Variants in CR2 observed in about 807,000 individuals in gnomAD.
The protein encoded by CR2 is complement receptor type 2.
In CR2, 96 loss-of-function variants were observed where a neutral mutation model predicts 123.0. The ratio of observed to expected loss-of-function variants is 0.78; its 90% CI spans 0.66 to 0.93. The LOEUF is 0.93. Among genes scored for constraint, CR2 ranks in the 40% least tolerant of loss-of-function variants. CR2 has a pLI of 0.00. For synonymous variants in CR2, 484 were observed against 469.5 expected (o/e 1.03, Z -0.40); for missense variants, 1,258 against 1,361.0 (o/e 0.92, Z 1.19).
chr1:207,462,484 AT>A lies in CR2; in HGVS notation c.59-4041del, dbSNP rs202188179. On this transcript the variant is annotated intron_variant, in intron 1 of 19. Coordinates refer to ENST00000367057, the MANE Select transcript of CR2 (RefSeq NM_001006658.3). ...TGGATTGGAGCTTACTTGTAAAAAA[AT>A]ATATGCATTTTTTCCCTATAAACAG... Among the ~76,000 whole-genome samples the A allele has an allele frequency of 5.7e-3, 861 of 152,350 alleles. 13 individuals are homozygous for A. Among genetic ancestry groups the A allele is most frequent in the East Asian group, 7.3e-3 (38 of 5,196 alleles).
chr1:207,488,760 G>A (rs1287973021), intron 19 of CR2, among the ~76,000 whole-genome samples: 1 of 152,168 alleles, frequency 6.6e-6, no homozygotes, highest in Non-Finnish European at 1.5e-5. Context: ...GGCAGTTGAG[G>A]AAGAAAAGGT....
chr1:207,469,562 T>G, intron 5 of CR2, 133 bp from the exon 6 acceptor site: 2 of 822,852 alleles, frequency 2.4e-6, no homozygotes, highest in Non-Finnish European at 4.1e-6. Context: ...ATTATGTTGC[T>G]TTAGCTGCCT....
At position 207,476,431 on chromosome 1, in the gene CR2, A is replaced by AT; in HGVS notation, c.2902+18dup. On this transcript the variant is annotated intron_variant, in intron 15 of 19. Transcript: ENST00000367057. The stretch of plus-strand genomic sequence containing the variant: ...CCCTCATTGTAAAGGTGCTTTGTCT[A>AT]TTTTTTATTCTTATTTTTATATCAA... 6.2e-7 allele frequency: 1 copy of AT among 1,610,306 alleles called. No individual in the cohort carries two copies. Among genetic ancestry groups the AT allele is most frequent in the Non-Finnish European group, 8.5e-7 (1 of 1,178,514 alleles).
chr1:207,454,538 C>G lies in CR2; in HGVS notation c.58+62C>G, dbSNP rs1016189585. 3.2e-5 allele frequency: 41 copies of G among 1,297,202 alleles called. No individual in the cohort carries two copies. In the Admixed American group the frequency reaches 8.9e-4, roughly 28 times the overall value. The allele number at this position is 1,297,202 out of a possible 1,614,324, so 80.4% of individuals were successfully genotyped here. On this transcript the variant is annotated intron_variant, in intron 1 of 19. Transcript: ENST00000367057. This position sits in a 1 kb window ranked among gnomAD's most constrained non-coding sequence, Gnocchi z 4.3. ...TCCCGGGCAGGGAAAGTTTCTGTGC[C>G]GCGATGCAAAGCAGGGGGCCAAAAG... is the stretch of plus-strand genomic sequence containing the variant.
At chr1:207,477,736 G>C in intron 15 of CR2, 149 bp from the exon 16 acceptor site, 1 of 694,470 alleles carries the variant, frequency 1.4e-6, no homozygotes, top group South Asian at 1.6e-5. Flanking sequence ...ATTGTGTCTA[G>C]GATATAGTCT....
chr1:207,486,076 C>A (rs1263550656), intron 19 of CR2, among the ~76,000 whole-genome samples: 1 of 151,484 alleles, frequency 6.6e-6, no homozygotes, highest in African/African-American at 2.4e-5. Context: ...ACTAAAAATA[C>A]AAAAATTAGC....
chr1:207,469,979 C>G lies in CR2; in HGVS notation c.1102C>G (p.Arg368Gly). The G allele has an allele frequency of 6.2e-7, 1 of 1,613,932 alleles. No homozygotes were observed. The highest frequency in any genetic ancestry group is 8.5e-7 in the Non-Finnish European group (1 of 1,179,936). ...CCGAATGGTATCTGGGCAGAAAGAT[C>G]GATATACCTATAACGACACTGTGAT... ...RGRMVSGQKDRYTYNDTVIFA... is the reference protein window; with the variant it reads ...RGRMVSGQKDGYTYNDTVIFA... The change falls in exon 6 of 20, where the codon CGA becomes GGA. Residue 368 changes from arginine to glycine, a missense_variant. Coordinates refer to ENST00000367057, the MANE Select transcript of CR2 (RefSeq NM_001006658.3).
At chr1:207,457,321 CAT>C (rs1657857194) in intron 1 of CR2, among the ~76,000 whole-genome samples, 2 of 152,344 alleles carry the variant, frequency 1.3e-5, no homozygotes, top group Admixed American at 1.3e-4. Context: ...TATTCATGAT[CAT>C]GTTCCATACC....
At chr1:207,487,771 G>A (rs1271060087) in intron 19 of CR2, among the ~76,000 whole-genome samples, 1 of 152,218 alleles carries the variant, frequency 6.6e-6, no homozygotes, top group African/African-American at 2.4e-5. Flanking sequence ...GGTAAGCTAG[G>A]AGGAACAGAT....
At chr1:207,461,989 T>C (rs1455729315) in intron 1 of CR2, among the ~76,000 whole-genome samples, 1 of 152,198 alleles carries the variant, frequency 6.6e-6, no homozygotes, top group Non-Finnish European at 1.5e-5. Context: ...GCCAAACCTA[T>C]TCATCCTGTG....
At chr1:207,484,493 AC>A (rs1658695750) in intron 18 of CR2, among the ~76,000 whole-genome samples, 1 of 152,260 alleles carries the variant, frequency 6.6e-6, no homozygotes, top group Non-Finnish European at 1.5e-5. Context: ...CTTGAAAGAC[AC>A]TATGCTATTC....
intron 18 of CR2, among the ~76,000 whole-genome samples, chr1:207,482,999 G>A (rs1331625829): frequency 1.3e-5 from 2 of 151,768 alleles, no homozygotes; most frequent in Non-Finnish European, 2.9e-5. Context: ...TCTTGTGGAA[G>A]CTACAGAATA....
chr1:207,467,757 G>C (rs1297764344), intron 2 of CR2, among the ~76,000 whole-genome samples: 1 of 152,156 alleles, frequency 6.6e-6, no homozygotes. Context: ...AAACAGTTAA[G>C]CCTTTGTAAC....
In CR2 at chr1:207,454,523, G is replaced by A. The variant is rs766078491; in HGVS notation, c.58+47G>A. 2.8e-6 allele frequency: 4 copies of A among 1,410,436 alleles called. No homozygotes were observed. The South Asian group carries it at 4.0e-5, about 14-fold the overall frequency. The allele number at this position is 1,410,436 out of a possible 1,614,324, so 87.4% of individuals were successfully genotyped here. ...GGAGGTGGGGACGCGTCCCGGGCAG[G>A]GAAAGTTTCTGTGCCGCGATGCAAA... On this transcript the variant is annotated intron_variant, in intron 1 of 19. Transcript: ENST00000367057. The surrounding 1 kb of genome is among the most constrained non-coding windows in gnomAD (Gnocchi z 4.3).
intron 14 of CR2, among the ~76,000 whole-genome samples, chr1:207,475,844 C>T (rs1572959956): frequency 6.6e-6 from 1 of 152,184 alleles, no homozygotes; most frequent in Non-Finnish European, 1.5e-5. Flanking sequence ...GCAGTGGCTG[C>T]CACTTTTAGA....
At chr1:207,463,362 G>A (rs1313636295) in intron 1 of CR2, among the ~76,000 whole-genome samples, 1 of 152,048 alleles carries the variant, frequency 6.6e-6, no homozygotes, top group Non-Finnish European at 1.5e-5. Context: ...TAAGCAAAAA[G>A]GAATCACCTC....
chr1:207,463,636 C>CTTTATT (rs993616587), intron 1 of CR2, among the ~76,000 whole-genome samples: 7 of 151,998 alleles, frequency 4.6e-5, no homozygotes, highest in African/African-American at 7.3e-5. Flanking sequence ...GATGATCACT[C>CTTTATT]TTTATTTTTA....
At chr1:207,488,516 CG>C (rs1393944109) in intron 19 of CR2, among the ~76,000 whole-genome samples, 1 of 152,026 alleles carries the variant, frequency 6.6e-6, no homozygotes, top group Non-Finnish European at 1.5e-5. Context: ...CCCAGCTACT[CG>C]GGAGGCTGAG....
chr1:207,488,357 G>A (rs895386553), intron 19 of CR2, among the ~76,000 whole-genome samples: 1 of 152,216 alleles, frequency 6.6e-6, no homozygotes, highest in Non-Finnish European at 1.5e-5. Flanking sequence ...CAGGAGTGGT[G>A]GCTCACGTCT....
Sources: allele counts gnomAD v4.1 joint callset (sites outside exome capture counted in the v4.1 genomes callset), GRCh38; gene constraint gnomAD v4.1.1; non-coding constraint Gnocchi (gnomAD v3.1); transcripts MANE v1.5; gene names NCBI Gene and HGNC (gene_info 2026-07-23, HGNC 2026-07-21).